The following CTNNA2 variants were observed in gnomAD, a reference collection of about 807,000 sequenced individuals.
The protein encoded by CTNNA2 is catenin alpha-2.
CTNNA2 carries 42 observed loss-of-function variants against 101.0 expected under a neutral mutation model. That is an observed-to-expected ratio of 0.42 (90% CI 0.32 to 0.54). The LOEUF (loss-of-function observed/expected upper bound fraction) is 0.54, where lower values mean the gene tolerates loss of function less well. CTNNA2 is among the 20% of genes least tolerant of loss of function. The pLI, the probability that CTNNA2 is intolerant of heterozygous loss-of-function variation, is 0.14. For missense variants in CTNNA2, 871 were observed against 1,223.1 expected, an observed-to-expected ratio of 0.71 and a Z score of 4.29; for synonymous variants, 450 against 456.4, an observed-to-expected ratio of 0.99 and a Z score of 0.18.
intron 7 of CTNNA2, among the ~76,000 whole-genome samples, chr2:80,224,680 G>A (rs993297652): frequency 9.2e-5 from 14 of 151,922 alleles, no homozygotes; most frequent in African/African-American, 2.9e-4. Context: ...TCCTGATCTC[G>A]TGATCTGCTC....
chr2:80,315,527 T>C (rs2149236735), intron 7 of CTNNA2, among the ~76,000 whole-genome samples: 1 of 152,256 alleles, frequency 6.6e-6, no homozygotes, highest in African/African-American at 2.4e-5. Context: ...CTGAGTTCTC[T>C]CCCGCATGTC....
chr2:80,643,403 T>C (rs867522304), intron 18 of CTNNA2, among the ~76,000 whole-genome samples: 1 of 152,290 alleles, frequency 6.6e-6, no homozygotes, highest in Middle Eastern at 3.4e-3. Context: ...TAGAATGAAA[T>C]AAACGAAACT....
intron 4 of CTNNA2, among the ~76,000 whole-genome samples, chr2:79,399,402 G>A (rs944707310): frequency 6.6e-6 from 1 of 152,120 alleles, no homozygotes; most frequent in African/African-American, 2.4e-5. Context: ...ACAGCAAAAA[G>A]AGAAGTCTAA....
intron 7 of CTNNA2, among the ~76,000 whole-genome samples, chr2:80,093,111 C>T (rs1459651046): frequency 6.6e-6 from 1 of 151,916 alleles, no homozygotes; most frequent in East Asian, 1.9e-4. Context: ...CCCATTAACT[C>T]ATCATTTAGC....
intron 12 of CTNNA2, among the ~76,000 whole-genome samples, chr2:80,566,216 C>A (rs1205651122): frequency 6.6e-6 from 1 of 152,196 alleles, no homozygotes; most frequent in Non-Finnish European, 1.5e-5. Flanking sequence ...TGGCAACTGT[C>A]TTCCATCAGA....
intron 9 of CTNNA2, among the ~76,000 whole-genome samples, chr2:80,525,462 A>C (rs968743064): frequency 6.6e-6 from 1 of 151,826 alleles, no homozygotes; most frequent in African/African-American, 2.4e-5. Context: ...AAGTTCAGCG[A>C]CTCTGAATCT....
chr2:79,482,088 A>G (rs1240267779), intron 4 of CTNNA2, among the ~76,000 whole-genome samples: 1 of 152,226 alleles, frequency 6.6e-6, no homozygotes, highest in East Asian at 1.9e-4. Flanking sequence ...AATACTATGA[A>G]TTAATTCAGA....
chr2:79,730,225 T>G, intron 2 of CTNNA2, among the ~76,000 whole-genome samples: 1 of 152,100 alleles, frequency 6.6e-6, no homozygotes, highest in Non-Finnish European at 1.5e-5. Flanking sequence ...ATAATACTTT[T>G]ATTTCCTTGT....
chr2:80,391,150 G>A (rs997632323), intron 7 of CTNNA2, among the ~76,000 whole-genome samples: 15 of 147,456 alleles, frequency 1.0e-4, no homozygotes, highest in Non-Finnish European at 2.1e-4. Flanking sequence ...AAAAAAAAAA[G>A]TATGTATTAC....
rs115895610 is a variant in CTNNA2 at position 79,328,067 on chromosome 2, A to G, written c.-318+15271A>G. ...GAAGAGTTAGAAGGGAAGCGAAGTA[A>G]AAAATCTCCATCAGAATGTTATGGG... is the stretch of plus-strand genomic sequence containing the variant. On this transcript the variant is annotated intron_variant, in intron 3 of 21. Coordinates refer to the CTNNA2 transcript ENST00000466387. Among the ~76,000 whole-genome samples the G allele has an allele frequency of 6.8e-3, 1,043 of 152,308 alleles. 11 individuals are homozygous for G. The highest frequency in any genetic ancestry group is 0.023 in the African/African-American group (956 of 41,578).
chr2:79,292,170 G>A (rs1047630578), intron 2 of CTNNA2, among the ~76,000 whole-genome samples: 4 of 152,136 alleles, frequency 2.6e-5, no homozygotes, highest in African/African-American at 7.2e-5. Flanking sequence ...GGTTCTTTAC[G>A]TGCTTAATTA....
At chr2:79,282,045 G>C (rs1023369177) in intron 2 of CTNNA2, among the ~76,000 whole-genome samples, 1 of 152,016 alleles carries the variant, frequency 6.6e-6, no homozygotes. Context: ...GTGCTTTGTA[G>C]TTTATCATCT....
chr2:79,536,664 G>A (rs1008722674), intron 1 of CTNNA2, among the ~76,000 whole-genome samples: 1 of 148,080 alleles, frequency 6.8e-6, no homozygotes, highest in African/African-American at 2.5e-5. Context: ...CTCTACTGTC[G>A]TCACTTTCAC....
At chr2:80,505,489 T>C (rs1688202386) in intron 9 of CTNNA2, among the ~76,000 whole-genome samples, 1 of 152,224 alleles carries the variant, frequency 6.6e-6, no homozygotes, top group Non-Finnish European at 1.5e-5. Context: ...TTAGCGTAAA[T>C]TGAGATCATG....
intron 18 of CTNNA2, among the ~76,000 whole-genome samples, chr2:80,635,950 T>C (rs2149841142): frequency 6.6e-6 from 1 of 151,418 alleles, no homozygotes; most frequent in African/African-American, 2.4e-5. Flanking sequence ...CAAGTATGGG[T>C]TGTCTTAAGG....
chr2:80,001,967 T>C (rs945676338), intron 7 of CTNNA2, among the ~76,000 whole-genome samples: 3 of 152,230 alleles, frequency 2.0e-5, no homozygotes, highest in African/African-American at 7.2e-5. Flanking sequence ...TAACTCAGAA[T>C]TTACTCATTT....
intron 2 of CTNNA2, among the ~76,000 whole-genome samples, chr2:79,717,678 G>A (rs762430050): frequency 2.6e-5 from 4 of 152,146 alleles, no homozygotes; most frequent in Non-Finnish European, 5.9e-5. Context: ...GAAAAAATTA[G>A]GTGTAAATGT....
intron 7 of CTNNA2, among the ~76,000 whole-genome samples, chr2:80,278,676 G>A (rs1384066097): frequency 1.3e-5 from 2 of 152,138 alleles, no homozygotes; most frequent in Non-Finnish European, 2.9e-5. Flanking sequence ...TGGATTAAAG[G>A]AGAGAGAAAG....
At chr2:80,200,827 C>A (rs929442661) in intron 7 of CTNNA2, among the ~76,000 whole-genome samples, 7 of 151,952 alleles carry the variant, frequency 4.6e-5, no homozygotes, top group African/African-American at 1.7e-4. Flanking sequence ...AGCCACCATG[C>A]CTGGCTGTGA....
Sources: allele counts gnomAD v4.1 joint callset (sites outside exome capture counted in the v4.1 genomes callset), GRCh38; gene constraint gnomAD v4.1.1; transcripts MANE v1.5; gene names NCBI Gene and HGNC (gene_info 2026-07-23, HGNC 2026-07-21).